Variants in ZNF235 observed in about 807,000 individuals in gnomAD.
The protein encoded by ZNF235 is zfp-93.
In ZNF235, 25 loss-of-function variants were observed where a neutral mutation model predicts 29.4. The observed-to-expected ratio is 0.85, with a 90% confidence interval of 0.62 to 1.19. The LOEUF (loss-of-function observed/expected upper bound fraction) is 1.19, where lower values mean the gene tolerates loss of function less well. ZNF235 is among the 50% of genes most tolerant of loss of function. The probability of loss-of-function intolerance (pLI) is 0.00; values close to 1 mark genes in which losing one functional copy is unlikely to be tolerated. For missense variants in ZNF235, 788 were observed against 885.0 expected, an observed-to-expected ratio of 0.89 and a Z score of 1.39; for synonymous variants, 300 against 295.3, an observed-to-expected ratio of 1.02 and a Z score of -0.16.
intron 1 of ZNF235, among the ~76,000 whole-genome samples, chr19:44,303,996 T>G (rs1488084682): frequency 5.3e-5 from 8 of 152,210 alleles, no homozygotes; most frequent in Non-Finnish European, 2.9e-5. Context: ...AACTCAAAAA[T>G]AATTGCTCTG....
At chr19:44,301,534 G>A (rs982032916) in intron 2 of ZNF235, among the ~76,000 whole-genome samples, 1 of 151,596 alleles carries the variant, frequency 6.6e-6, no homozygotes, top group African/African-American at 2.4e-5. Context: ...GTAGTGGTGT[G>A]ATCTTGGCTC....
At chr19:44,303,486 G>C (rs189556735) in intron 1 of ZNF235, 34 bp from the exon 2 acceptor site, 18 of 1,573,718 alleles carry the variant, frequency 1.1e-5, no homozygotes, top group Non-Finnish European at 1.6e-5. Flanking sequence ...AGATAGGTTA[G>C]GGATGGCATT....
chr19:44,299,604 AC>A lies in ZNF235; in HGVS notation c.142+1del, dbSNP rs758040027. The A allele has an allele frequency of 5.0e-6, 8 of 1,613,930 alleles. No individual in the cohort carries two copies. The highest frequency in any genetic ancestry group is 2.2e-5 in the East Asian group (1 of 44,870). On this transcript the variant is annotated splice_donor_variant, in intron 3 of 4. Transcript: ENST00000291182. LOFTEE classifies it high-confidence loss of function. ...TGAATTACAGAGGGTGCCTGTCCTT[AC>A]CCACTGAAACCAGGTTCCTAAAGTT...
intron 4 of ZNF235, chr19:44,290,928 G>C (rs972651713): frequency 6.6e-6 from 1 of 152,116 alleles, no homozygotes; most frequent in African/African-American, 2.4e-5. Flanking sequence ...AGCTGCAGCA[G>C]CATCAGCAGT....
intron 4 of ZNF235, chr19:44,289,453 A>G (rs1248051505): frequency 7.9e-6 from 3 of 378,188 alleles, no homozygotes; most frequent in Non-Finnish European, 1.4e-5. Context: ...TTTTCTGAGT[A>G]TGAGTCTTGC....
intron 2 of ZNF235, among the ~76,000 whole-genome samples, chr19:44,302,843 T>C (rs1361593543): frequency 8.5e-6 from 1 of 117,286 alleles, no homozygotes; most frequent in Non-Finnish European, 1.7e-5. Context: ...TATATACTTA[T>C]ATATGAGTAA....
chr19:44,292,506 T>G (rs1205333894), intron 4 of ZNF235, among the ~76,000 whole-genome samples: 1 of 151,172 alleles, frequency 6.6e-6, no homozygotes, highest in Non-Finnish European at 1.5e-5. Flanking sequence ...TCTCGGTACT[T>G]CAAGACAGGT....
intron 4 of ZNF235, among the ~76,000 whole-genome samples, chr19:44,296,112 A>T (rs1383661862): frequency 6.6e-6 from 1 of 152,206 alleles, no homozygotes; most frequent in Non-Finnish European, 1.5e-5. Context: ...AAATAAATAC[A>T]TATGAGCCCA....
intron 1 of ZNF235, 143 bp downstream of exon 1, chr19:44,304,828 A>G (rs1288772156): frequency 4.1e-6 from 4 of 985,234 alleles, no homozygotes; most frequent in Non-Finnish European, 4.8e-6. Context: ...TGCCGAGGGG[A>G]CGCAAACTCC....
chr19:44,287,456 C>T lies in ZNF235; in HGVS notation c.1979G>A (p.Cys660Tyr). 1 of 1,614,152 alleles carries T rather than the reference C, an allele frequency of 6.2e-7. No individual in the cohort carries two copies. Among genetic ancestry groups the T allele is most frequent in the Non-Finnish European group, 8.5e-7 (1 of 1,180,020 alleles). ...AGCACTCCAACTGAATTCTTTCCCA[C>T]ATTCCTCACATTTAAATGGTTTCTC... Reference protein sequence around the residue: ...TGEKPFKCEECGKEFSWSAGL... With the variant: ...TGEKPFKCEEYGKEFSWSAGL... The change falls in exon 5 of 5, where the codon TGT becomes TAT. Residue 660 changes from cysteine to tyrosine, a missense_variant. By Grantham distance (194) the Cys-to-Tyr change is radical. Transcript: ENST00000291182.
chr19:44,300,548 G>C (rs1036080128), intron 2 of ZNF235, among the ~76,000 whole-genome samples: 2 of 152,012 alleles, frequency 1.3e-5, no homozygotes, highest in African/African-American at 4.8e-5. Context: ...ATTTCCTTAA[G>C]ATAAGTTCCA....
Position 44,303,439 on chromosome 19 carries a change from C to A in ZNF235, c.-35G>T, listed in dbSNP as rs2123110227. ...CCTCCTTCTGGGAAAAGGCAGAGTTCCGGGGAAGTGAACCTGAGGGAGGGA... is the reference window on the plus strand; with the variant it reads ...CCTCCTTCTGGGAAAAGGCAGAGTTACGGGGAAGTGAACCTGAGGGAGGGA... On this transcript the variant is annotated 5_prime_UTR_variant, in exon 2 of 5. Transcript: ENST00000291182. The A allele has an allele frequency of 6.2e-7, 1 of 1,607,842 alleles. No individual in the cohort carries two copies. Among genetic ancestry groups the A allele is most frequent in the Non-Finnish European group, 8.5e-7 (1 of 1,176,280 alleles).
At chr19:44,296,542 T>C (rs1975656675) in intron 4 of ZNF235, among the ~76,000 whole-genome samples, 1 of 152,200 alleles carries the variant, frequency 6.6e-6, no homozygotes, top group African/African-American at 2.4e-5. Context: ...CTCCCTCAGT[T>C]TGGTGGATTA....
intron 4 of ZNF235, 196 bp from the exon 5 acceptor site, chr19:44,289,392 G>A: frequency 1.8e-6 from 1 of 558,856 alleles, no homozygotes; most frequent in Non-Finnish European, 3.1e-6. Flanking sequence ...CCATATTTAA[G>A]ATAGAAAATT....
intron 4 of ZNF235, among the ~76,000 whole-genome samples, chr19:44,296,454 G>T (rs887634072): frequency 6.6e-6 from 1 of 152,144 alleles, no homozygotes; most frequent in African/African-American, 2.4e-5. Context: ...AACAGAAAAA[G>T]ATGTAAAATG....
In ZNF235 at chr19:44,299,654, G is replaced by A; in HGVS notation, c.94C>T (p.Leu32=). The change falls in exon 3 of 5, where the codon CTG becomes TTG. Residue 32 remains leucine (L), a synonymous_variant. Coordinates refer to ENST00000291182, the MANE Select transcript of ZNF235 (RefSeq NM_004234.4). ...TTCTCCAGCATCACATCTCGGTACA[G>A]CTTCCTCTGGGCAGAGTCCAGCAGC... ...LGLLDSAQRK[L]YRDVMLENFR... 1 of 1,614,170 alleles carries A rather than the reference G, an allele frequency of 6.2e-7. No homozygotes were observed. Among genetic ancestry groups the A allele is most frequent in the East Asian group, 2.2e-5 (1 of 44,874 alleles).
Position 44,287,175 on chromosome 19 carries a change from A to G in ZNF235, c.*43T>C, listed in dbSNP as rs1166537208. On this transcript the variant is annotated 3_prime_UTR_variant, in exon 5 of 5. Coordinates refer to ENST00000291182, the MANE Select transcript of ZNF235 (RefSeq NM_004234.4). ...CAGCATGGACTTCCCAACGGAGACA[A>G]AGATGTGAGCTCTAACTGAAGGCTG... The G allele has an allele frequency of 1.3e-6, 2 of 1,519,108 alleles. No individual in the cohort carries two copies. Among genetic ancestry groups the G allele is most frequent in the African/African-American group, 2.8e-5 (2 of 71,882 alleles). The allele number at this position is 1,519,108 out of a possible 1,614,324, so 94.1% of individuals were successfully genotyped here.
At chr19:44,302,985 T>TGTATATAC (rs1555800421) in intron 2 of ZNF235, among the ~76,000 whole-genome samples, 1 of 133,086 alleles carries the variant, frequency 7.5e-6, no homozygotes, top group Non-Finnish European at 1.5e-5. Flanking sequence ...TATATATTTA[T>TGTATATAC]ATATAAATAT....
At chr19:44,302,785 A>T (rs28410749) in intron 2 of ZNF235, among the ~76,000 whole-genome samples, 11 of 140,808 alleles carry the variant, frequency 7.8e-5, no homozygotes, top group Non-Finnish European at 9.1e-5. Context: ...TATATATATA[A>T]AACTATATAC....
Sources: allele counts gnomAD v4.1 joint callset (sites outside exome capture counted in the v4.1 genomes callset), GRCh38; gene constraint gnomAD v4.1.1; transcripts MANE v1.5; gene names NCBI Gene and HGNC (gene_info 2026-07-23, HGNC 2026-07-21).